The following SGCZ variants were observed in gnomAD, a reference collection of about 807,000 sequenced individuals.
SGCZ encodes zeta-sarcoglycan.
Under a neutral mutation model 41.3 loss-of-function variants are expected in SGCZ, and 40 were observed. The observed-to-expected ratio is 0.97, with a 90% CI of 0.75 to 1.26. SGCZ has a LOEUF of 1.26. SGCZ is among the 50% of genes most tolerant of loss of function. The pLI, the probability that SGCZ is intolerant of heterozygous loss-of-function variation, is 0.00. For synonymous variants in SGCZ, 206 were observed against 137.5 expected, an observed-to-expected ratio of 1.50 and a Z score of -3.49; for missense variants, 552 against 369.8, an observed-to-expected ratio of 1.49 and a Z score of -4.04.
intron 4 of SGCZ, among the ~76,000 whole-genome samples, chr8:14,222,035 G>C (rs561289872): frequency 1.3e-5 from 2 of 152,174 alleles, no homozygotes; most frequent in African/African-American, 4.8e-5. Flanking sequence ...AACAACAGAA[G>C]TACCCCCAAC....
intron 1 of SGCZ, among the ~76,000 whole-genome samples, chr8:15,122,350 G>A (rs1029464832): frequency 1.3e-5 from 2 of 152,178 alleles, no homozygotes; most frequent in South Asian, 2.1e-4. Flanking sequence ...TAGAAACAGT[G>A]CAATTTTGAT....
intron 1 of SGCZ, among the ~76,000 whole-genome samples, chr8:14,899,982 C>T (rs192501933): frequency 9.7e-4 from 147 of 152,172 alleles, no homozygotes; most frequent in African/African-American, 3.4e-3. Flanking sequence ...AAAGGTTTAA[C>T]GTGGGGTGTT....
At chr8:15,216,211 T>C (rs1176649392) in intron 1 of SGCZ, among the ~76,000 whole-genome samples, 1 of 69,452 alleles carries the variant, frequency 1.4e-5, no homozygotes, top group Non-Finnish European at 3.3e-5. Flanking sequence ...TTTTAGCTTA[T>C]TCTTTTTTTT....
At chr8:14,156,571 T>C (rs1017756094) in intron 5 of SGCZ, among the ~76,000 whole-genome samples, 1 of 152,234 alleles carries the variant, frequency 6.6e-6, no homozygotes, top group Non-Finnish European at 1.5e-5. Flanking sequence ...ACTTTTTGAC[T>C]CTTTTGCAAA....
At chr8:14,685,280 T>A (rs1166056277) in intron 1 of SGCZ, among the ~76,000 whole-genome samples, 2 of 152,092 alleles carry the variant, frequency 1.3e-5, no homozygotes, top group Non-Finnish European at 2.9e-5. Flanking sequence ...ATGTGGTATT[T>A]TGGGGTGGAC....
chr8:14,767,542 G>A (rs76163207), intron 1 of SGCZ, among the ~76,000 whole-genome samples: 15,876 of 152,264 alleles, frequency 0.1, 1,003 homozygotes, highest in African/African-American at 0.18. Context: ...AATGCAGATT[G>A]TAATGAGCTG....
intron 1 of SGCZ, among the ~76,000 whole-genome samples, chr8:15,005,171 C>T (rs1278295727): frequency 6.6e-6 from 1 of 152,018 alleles, no homozygotes; most frequent in African/African-American, 2.4e-5. Flanking sequence ...AAACGTAGTA[C>T]AGTCTCTGAA....
chr8:14,787,393 A>AAT, intron 1 of SGCZ, among the ~76,000 whole-genome samples: 1 of 152,032 alleles, frequency 6.6e-6, no homozygotes, highest in East Asian at 1.9e-4. Context: ...TACTTGGTAA[A>AAT]ATATACTTAT....
intron 3 of SGCZ, among the ~76,000 whole-genome samples, chr8:14,288,561 T>G (rs1226701520): frequency 6.6e-6 from 1 of 152,174 alleles, no homozygotes; most frequent in Non-Finnish European, 1.5e-5. Context: ...GACTTTCACT[T>G]AGCATGATGT....
chr8:14,350,727 C>T (rs1803061315), intron 2 of SGCZ, among the ~76,000 whole-genome samples: 1 of 152,058 alleles, frequency 6.6e-6, no homozygotes, highest in African/African-American at 2.4e-5. Flanking sequence ...TCCTTCTTTC[C>T]CTCTCTCCAA....
chr8:14,963,440 G>C (rs989870109), intron 1 of SGCZ, among the ~76,000 whole-genome samples: 1 of 151,882 alleles, frequency 6.6e-6, no homozygotes, highest in East Asian at 1.9e-4. Flanking sequence ...CCGGGTTCAA[G>C]TGATTCTCCT....
At chr8:15,032,575 C>T (rs963001900) in intron 1 of SGCZ, among the ~76,000 whole-genome samples, 1 of 152,108 alleles carries the variant, frequency 6.6e-6, no homozygotes, top group African/African-American at 2.4e-5. Context: ...CAGGCCTGCT[C>T]AGCAGACTCA....
At chr8:15,207,533 C>G (rs1222656641) in intron 1 of SGCZ, among the ~76,000 whole-genome samples, 1 of 152,078 alleles carries the variant, frequency 6.6e-6, no homozygotes, top group African/African-American at 2.4e-5. Context: ...GAGCAGACTG[C>G]TCGGTGGTGC....
chr8:14,297,427 A>G (rs1174995079), intron 3 of SGCZ, among the ~76,000 whole-genome samples: 4 of 152,002 alleles, frequency 2.6e-5, no homozygotes, highest in Admixed American at 1.3e-4. Context: ...TTCCTGAAAG[A>G]CATAATTAAA....
At chr8:14,129,691 TA>T (rs1002964453) in intron 5 of SGCZ, among the ~76,000 whole-genome samples, 9 of 151,326 alleles carry the variant, frequency 5.9e-5, no homozygotes, top group African/African-American at 1.9e-4. Context: ...TATACGTCAT[TA>T]AAAAAAATCA....
intron 1 of SGCZ, among the ~76,000 whole-genome samples, chr8:15,104,169 T>C (rs1806726044): frequency 6.6e-6 from 1 of 152,218 alleles, no homozygotes. Flanking sequence ...CAAATGGTTC[T>C]GGTTTCAATA....
intron 2 of SGCZ, among the ~76,000 whole-genome samples, chr8:14,479,808 T>G (rs971776930): frequency 6.8e-6 from 1 of 146,742 alleles, no homozygotes; most frequent in East Asian, 2.2e-4. Flanking sequence ...TGCAATCGCA[T>G]GATCTCGGCT....
intron 1 of SGCZ, among the ~76,000 whole-genome samples, chr8:14,658,756 T>C (rs1230286192): frequency 6.6e-6 from 1 of 152,152 alleles, no homozygotes; most frequent in Admixed American, 6.6e-5. Flanking sequence ...GTTATTCGTT[T>C]AGCTCAGTAG....
intron 2 of SGCZ, among the ~76,000 whole-genome samples, chr8:14,391,573 A>G (rs1804775857): frequency 1.3e-5 from 2 of 152,144 alleles, no homozygotes; most frequent in East Asian, 3.9e-4. Flanking sequence ...AAGCCATATT[A>G]TTGGACAAGG....
Sources: gnomAD v4.1 joint callset for allele counts (sites outside exome capture counted in the v4.1 genomes callset) on GRCh38, gnomAD v4.1.1 for gene constraint, MANE v1.5 for transcripts, NCBI Gene and HGNC (gene_info 2026-07-23, HGNC 2026-07-21) for gene names.